CNTNAP2: variants seen among roughly 807,000 people sequenced by gnomAD.
CNTNAP2 encodes contactin-associated protein-like 2.
Under a neutral mutation model 155.2 loss-of-function variants are expected in CNTNAP2, and 98 were observed. The observed-to-expected ratio is 0.63, with a 90% CI of 0.54 to 0.75. The LOEUF (loss-of-function observed/expected upper bound fraction) is 0.75, where lower values mean the gene tolerates loss of function less well. CNTNAP2 is among the 30% of genes least tolerant of loss of function. CNTNAP2 has a pLI of 0.00. For missense variants in CNTNAP2, 1,727 were observed against 1,688.1 expected, an observed-to-expected ratio of 1.02 and a Z score of -0.40; for synonymous variants, 651 against 631.2, an observed-to-expected ratio of 1.03 and a Z score of -0.47.
At chr7:146,124,465 C>A (rs980722362) in intron 1 of CNTNAP2, among the ~76,000 whole-genome samples, 14 of 151,912 alleles carry the variant, frequency 9.2e-5, no homozygotes, top group Non-Finnish European at 1.6e-4. Context: ...ATAAACAGAA[C>A]TACATGAAAA....
At chr7:146,181,047 A>G (rs1562979861) in intron 1 of CNTNAP2, among the ~76,000 whole-genome samples, 1 of 152,118 alleles carries the variant, frequency 6.6e-6, no homozygotes, top group Non-Finnish European at 1.5e-5. Flanking sequence ...TCTGAGAAAC[A>G]TTTTGCACTT....
chr7:147,020,401 G>C (rs1358844335), intron 3 of CNTNAP2, among the ~76,000 whole-genome samples: 4 of 152,046 alleles, frequency 2.6e-5, no homozygotes, highest in African/African-American at 9.7e-5. Context: ...TGGAATGATA[G>C]ATGCGCACAA....
chr7:147,762,155 TCACACACACACA>T (rs72526174), intron 13 of CNTNAP2, among the ~76,000 whole-genome samples: 4 of 144,446 alleles, frequency 2.8e-5, no homozygotes, highest in South Asian at 2.2e-4. Context: ...TCTCTCTGTC[TCACACACACACA>T]CACACACACA....
chr7:147,900,734 A>G (rs1172617952), intron 13 of CNTNAP2, among the ~76,000 whole-genome samples: 2 of 152,148 alleles, frequency 1.3e-5, no homozygotes, highest in African/African-American at 4.8e-5. Context: ...CTCCTGCCTC[A>G]GCCTCCCAAG....
In CNTNAP2 at chr7:146,858,925, C is replaced by G. The variant is rs561556975; in HGVS notation, c.402+19021C>G. On this transcript the variant is annotated intron_variant, in intron 3 of 23. Transcript: ENST00000361727. ...GCCTTTCTTTCATCCTTAATACATT[C>G]AGAATACCAGGGAGAATCTGGCATT... Among the ~76,000 whole-genome samples the G allele has an allele frequency of 3.9e-5, 6 of 152,188 alleles. 1 individual carries two copies. The South Asian group carries it at 1.2e-3, about 32-fold the overall frequency.
At chr7:146,332,998 C>T (rs913079187) in intron 1 of CNTNAP2, among the ~76,000 whole-genome samples, 1 of 130,356 alleles carries the variant, frequency 7.7e-6, no homozygotes, top group Non-Finnish European at 1.5e-5. Context: ...GATTGGAATG[C>T]AGTGGTGCGA....
intron 15 of CNTNAP2, among the ~76,000 whole-genome samples, chr7:148,054,793 G>A (rs1367286019): frequency 1.3e-5 from 2 of 151,800 alleles, no homozygotes; most frequent in Admixed American, 1.3e-4. Context: ...AGTAATGCGT[G>A]GTTTTGAGCC....
chr7:146,241,743 G>T (rs1033479566), intron 1 of CNTNAP2, among the ~76,000 whole-genome samples: 2 of 151,930 alleles, frequency 1.3e-5, no homozygotes, highest in Non-Finnish European at 2.9e-5. Flanking sequence ...ACATTTTCAA[G>T]AAATCAAGTT....
intron 18 of CNTNAP2, among the ~76,000 whole-genome samples, chr7:148,188,505 G>A (rs1795156096): frequency 6.6e-6 from 1 of 152,162 alleles, no homozygotes; most frequent in South Asian, 2.1e-4. Context: ...AAGGAAGAAA[G>A]ATACTCCTTT....
chr7:147,748,726 T>TCAGA (rs1797086951), intron 13 of CNTNAP2, among the ~76,000 whole-genome samples: 6 of 152,184 alleles, frequency 3.9e-5, no homozygotes, highest in Admixed American at 3.9e-4. Context: ...CAAAGGGCTC[T>TCAGA]GATGGGCCCA....
At chr7:148,290,875 A>C (rs1797177499) in intron 21 of CNTNAP2, among the ~76,000 whole-genome samples, 1 of 152,202 alleles carries the variant, frequency 6.6e-6, no homozygotes, top group African/African-American at 2.4e-5. Context: ...CGTTAAGTAC[A>C]GAGAGCTTTT....
intron 12 of CNTNAP2, among the ~76,000 whole-genome samples, chr7:147,630,781 G>A (rs528445629): frequency 2.0e-5 from 3 of 152,152 alleles, no homozygotes; most frequent in East Asian, 1.9e-4. Context: ...ATCCCTTTAC[G>A]AATAAAACCT....
chr7:146,820,261 T>C (rs923885781), intron 2 of CNTNAP2, among the ~76,000 whole-genome samples: 1 of 152,158 alleles, frequency 6.6e-6, no homozygotes, highest in Non-Finnish European at 1.5e-5. Context: ...TTCACTGTCC[T>C]ATAAAAATAA....
At chr7:146,796,606 T>C (rs959696446) in intron 2 of CNTNAP2, among the ~76,000 whole-genome samples, 2 of 152,060 alleles carry the variant, frequency 1.3e-5, no homozygotes, top group Non-Finnish European at 2.9e-5. Flanking sequence ...AGAAGTGATA[T>C]AACGGTATAG....
At chr7:146,875,562 A>G (rs1283429854) in intron 3 of CNTNAP2, among the ~76,000 whole-genome samples, 1 of 152,130 alleles carries the variant, frequency 6.6e-6, no homozygotes, top group African/African-American at 2.4e-5. Flanking sequence ...GTAAACATCA[A>G]TGAAGACAGA....
At chr7:148,297,460 T>C (rs1341165040) in intron 21 of CNTNAP2, among the ~76,000 whole-genome samples, 1 of 152,124 alleles carries the variant, frequency 6.6e-6, no homozygotes, top group Non-Finnish European at 1.5e-5. Flanking sequence ...AGAACAAATG[T>C]GGGATTCTTC....
chr7:146,430,539 C>A (rs1373041764), intron 1 of CNTNAP2, among the ~76,000 whole-genome samples: 1 of 151,944 alleles, frequency 6.6e-6, no homozygotes, highest in Non-Finnish European at 1.5e-5. Flanking sequence ...TTTATGGAGG[C>A]AGTAACTGCT....
At chr7:147,502,386 C>G (rs915241052) in intron 11 of CNTNAP2, among the ~76,000 whole-genome samples, 1 of 151,714 alleles carries the variant, frequency 6.6e-6, no homozygotes, top group Non-Finnish European at 1.5e-5. Flanking sequence ...ATAAGCCAGA[C>G]AGAGAAAAAC....
intron 1 of CNTNAP2, among the ~76,000 whole-genome samples, chr7:146,234,860 T>G (rs1248112330): frequency 6.6e-6 from 1 of 152,220 alleles, no homozygotes; most frequent in East Asian, 1.9e-4. Flanking sequence ...AACTGAGCAT[T>G]TTAGCATATG....
Sources: allele counts gnomAD v4.1 joint callset (sites outside exome capture counted in the v4.1 genomes callset), GRCh38; gene constraint gnomAD v4.1.1; transcripts MANE v1.5; gene names NCBI Gene and HGNC (gene_info 2026-07-23, HGNC 2026-07-21).